ANKRD17: variants seen among roughly 807,000 people sequenced by gnomAD.
The protein encoded by ANKRD17 is ankyrin repeat domain 17, also known as ankyrin repeat domain-containing protein 17.
A neutral mutation model predicts 229.7 loss-of-function variants in ANKRD17; 19 were observed. The observed-to-expected ratio is 0.08, with a 90% CI of 0.06 to 0.12. The LOEUF (loss-of-function observed/expected upper bound fraction) is 0.12, where lower values mean the gene tolerates loss of function less well. ANKRD17 is among the 10% of genes least tolerant of loss of function. The pLI, the probability that ANKRD17 is intolerant of heterozygous loss-of-function variation, is 1.00. For synonymous variants in ANKRD17, 1,112 were observed against 1,146.1 expected (o/e 0.97, Z 0.60); for missense variants, 2,176 against 3,176.8 (o/e 0.68, Z 7.57).
chr4:73,127,115 G>A (rs1003244281), intron 16 of ANKRD17, among the ~76,000 whole-genome samples: 1 of 152,130 alleles, frequency 6.6e-6, no homozygotes, highest in Admixed American at 6.5e-5. Context: ...GATACAAATT[G>A]AGTATTTCCA....
At chr4:73,252,986 A>G (rs1745161713) in intron 1 of ANKRD17, among the ~76,000 whole-genome samples, 1 of 152,220 alleles carries the variant, frequency 6.6e-6, no homozygotes, top group African/African-American at 2.4e-5. Flanking sequence ...CGAATGTGCC[A>G]ATATCTGAAA....
At chr4:73,133,169 G>C (rs1165219239) in intron 16 of ANKRD17, among the ~76,000 whole-genome samples, 1 of 151,814 alleles carries the variant, frequency 6.6e-6, no homozygotes, top group East Asian at 2.0e-4. Flanking sequence ...AGAATCGCTT[G>C]AACCTGGGAG....
chr4:73,133,745 T>C lies in ANKRD17; in HGVS notation c.3234+1372A>G, dbSNP rs572795787. On this transcript the variant is annotated intron_variant, in intron 16 of 33. Coordinates refer to ENST00000358602, the MANE Select transcript of ANKRD17 (RefSeq NM_032217.5). Reference sequence around the variant, plus strand: ...TGTAGATGGTAGTTAAGAGTGTCTTTGGGGGATGGTGGCACACCTGTAATT... The same window carrying C: ...TGTAGATGGTAGTTAAGAGTGTCTTCGGGGGATGGTGGCACACCTGTAATT... 7.9e-5 allele frequency among the ~76,000 whole-genome samples: 12 copies of C among 152,006 alleles called. 1 individual carries two copies. In the South Asian group the frequency reaches 2.1e-3, roughly 26 times the overall value.
At chr4:73,241,144 G>A (rs1011612604) in intron 1 of ANKRD17, among the ~76,000 whole-genome samples, 2 of 152,002 alleles carry the variant, frequency 1.3e-5, no homozygotes, top group Non-Finnish European at 2.9e-5. Flanking sequence ...TATATACTGA[G>A]CAGATATTTG....
intron 24 of ANKRD17, among the ~76,000 whole-genome samples, chr4:73,106,952 A>G (rs887874992): frequency 6.6e-6 from 1 of 152,020 alleles, no homozygotes; most frequent in African/African-American, 2.4e-5. Flanking sequence ...CTGAAGACAA[A>G]AGATAAGAGA....
chr4:73,144,890 T>C (rs1382276332), intron 10 of ANKRD17, 58 bp from the exon 11 acceptor site: 2 of 1,257,680 alleles, frequency 1.6e-6, no homozygotes, highest in Non-Finnish European at 2.2e-6. Context: ...AAGTATTCTT[T>C]TTCATGGAAA....
intron 31 of ANKRD17, among the ~76,000 whole-genome samples, chr4:73,077,965 C>A (rs1212231043): frequency 6.6e-6 from 1 of 152,096 alleles, no homozygotes; most frequent in Middle Eastern, 3.2e-3. Flanking sequence ...GAAATGACTA[C>A]GAGGCTGGGC....
intron 2 of ANKRD17, chr4:73,168,862 G>C (rs576957343): frequency 2.6e-5 from 4 of 152,236 alleles, no homozygotes; most frequent in African/African-American, 9.6e-5. Context: ...TGGGGGTTCA[G>C]GGTACAGATT....
intron 1 of ANKRD17, among the ~76,000 whole-genome samples, chr4:73,237,664 A>G (rs1743626364): frequency 6.6e-6 from 1 of 152,160 alleles, no homozygotes; most frequent in African/African-American, 2.4e-5. Flanking sequence ...CATACTTTTC[A>G]TTTTATCTAG....
At chr4:73,083,332 G>A (rs1293490901) in intron 30 of ANKRD17, among the ~76,000 whole-genome samples, 1 of 152,158 alleles carries the variant, frequency 6.6e-6, no homozygotes, top group Non-Finnish European at 1.5e-5. Context: ...ATTTGACAAT[G>A]GTATCATGGT....
At chr4:73,126,794 C>T (rs1435765628) in intron 16 of ANKRD17, among the ~76,000 whole-genome samples, 1 of 152,054 alleles carries the variant, frequency 6.6e-6, no homozygotes, top group East Asian at 1.9e-4. Flanking sequence ...TGCAGTGGCG[C>T]GATCTTGGCT....
intron 1 of ANKRD17, among the ~76,000 whole-genome samples, chr4:73,193,004 G>A (rs919520293): frequency 1.8e-4 from 27 of 151,778 alleles, no homozygotes; most frequent in African/African-American, 5.8e-4. Flanking sequence ...ACAAATCTAC[G>A]AATTTTGAAA....
At chr4:73,221,460 A>G (rs1741842455) in intron 1 of ANKRD17, among the ~76,000 whole-genome samples, 1 of 152,226 alleles carries the variant, frequency 6.6e-6, no homozygotes, top group Admixed American at 6.5e-5. Flanking sequence ...TTAAATGGCT[A>G]AGAAAAATTG....
At chr4:73,120,776 A>G in intron 20 of ANKRD17, 105 bp downstream of exon 20, 2 of 930,004 alleles carry the variant, frequency 2.2e-6, no homozygotes, top group Non-Finnish European at 3.2e-6. Context: ...TACATAGGAG[A>G]TAAATGTTAC....
chr4:73,079,579 A>T (rs144711879), intron 30 of ANKRD17, among the ~76,000 whole-genome samples: 3 of 152,136 alleles, frequency 2.0e-5, no homozygotes, highest in Admixed American at 2.0e-4. Flanking sequence ...AGTTTCTTCA[A>T]ATTAGAACTG....
intron 1 of ANKRD17, among the ~76,000 whole-genome samples, chr4:73,244,181 A>G (rs189447807): frequency 6.6e-6 from 1 of 152,246 alleles, no homozygotes; most frequent in African/African-American, 2.4e-5. Flanking sequence ...ACCTGATTGA[A>G]CCTTAATTAC....
At chr4:73,158,186 A>AAGAAAGAAAGAG (rs963284200) in intron 3 of ANKRD17, among the ~76,000 whole-genome samples, 8 of 111,984 alleles carry the variant, frequency 7.1e-5, no homozygotes, top group African/African-American at 1.3e-4. Flanking sequence ...GAAAGAAAGA[A>AAGAAAGAAAGAG]AGAGAGAGAA....
rs1726535495 is a variant in ANKRD17, at chr4:73,120,169, T to A, written c.4018A>T (p.Ile1340Phe). ...KGHYKFCELL[I>F]GRGAHIDVRN... ...GGTATGGTAACAACATACCTGCCAA[T>A]AAGAAGCTCACAGAATTTGTAATGC... Residue 1340 changes from isoleucine (I) to phenylalanine (F), a missense_variant, in exon 21 of 34, where the codon ATT becomes TTT. Transcript: ENST00000358602. The A allele has an allele frequency of 6.2e-7, 1 of 1,613,934 alleles. No individual in the cohort carries two copies. The highest frequency in any genetic ancestry group is 8.5e-7 in the Non-Finnish European group (1 of 1,179,970).
intron 16 of ANKRD17, among the ~76,000 whole-genome samples, chr4:73,129,997 C>T (rs976578751): frequency 1.3e-5 from 2 of 151,994 alleles, no homozygotes; most frequent in Non-Finnish European, 2.9e-5. Flanking sequence ...GAACTCCTGA[C>T]CTCATGATCC....
Sources: allele counts gnomAD v4.1 joint callset (sites outside exome capture counted in the v4.1 genomes callset), GRCh38; gene constraint gnomAD v4.1.1; transcripts MANE v1.5; gene names NCBI Gene and HGNC (gene_info 2026-07-23, HGNC 2026-07-21).